The following RSRC1 variants were observed in gnomAD, a reference collection of about 807,000 sequenced individuals.
RSRC1 encodes serine/Arginine-related protein 53.
A neutral mutation model predicts 49.1 loss-of-function variants in RSRC1; 39 were observed. The observed-to-expected ratio is 0.79, with a 90% confidence interval of 0.61 to 1.04. The LOEUF (loss-of-function observed/expected upper bound fraction) is 1.04, where lower values mean the gene tolerates loss of function less well. RSRC1 is among the 50% of genes least tolerant of loss of function. The probability of loss-of-function intolerance (pLI) is 0.00; values close to 1 mark genes in which losing one functional copy is unlikely to be tolerated. For synonymous variants in RSRC1, 143 were observed against 130.8 expected, an observed-to-expected ratio of 1.09 and a Z score of -0.63; for missense variants, 388 against 402.4, an observed-to-expected ratio of 0.96 and a Z score of 0.31.
intron 3 of RSRC1, among the ~76,000 whole-genome samples, chr3:158,179,259 G>A (rs1254463928): frequency 6.6e-6 from 1 of 152,242 alleles, no homozygotes; most frequent in East Asian, 1.9e-4. Context: ...TCTTTGTCCT[G>A]TTTCCCTGAT....
chr3:158,275,806 A>G (rs1165342320), intron 4 of RSRC1: 3 of 482,092 alleles, frequency 6.2e-6, no homozygotes, highest in Non-Finnish European at 1.1e-5. Flanking sequence ...AACTTTACCT[A>G]TATTAGTGAT....
Position 158,168,334 on chromosome 3 carries a change from C to T in RSRC1, c.321-34738C>T, listed in dbSNP as rs549307014. 5.9e-5 allele frequency among the ~76,000 whole-genome samples: 9 copies of T among 152,282 alleles called. No homozygotes were observed. In the South Asian group the frequency reaches 1.9e-3, roughly 32 times the overall value. ...GTCATACCCACTGAGCCTGGATGAA[C>T]CTCCAGTTGATCTAGAGAATTGTGT... On this transcript the variant is annotated intron_variant, in intron 3 of 9. Coordinates refer to ENST00000611884, the MANE Select transcript of RSRC1 (RefSeq NM_001271838.2).
At chr3:158,470,379 T>TATATAA (rs1319277530) in intron 7 of RSRC1, among the ~76,000 whole-genome samples, 8 of 147,708 alleles carry the variant, frequency 5.4e-5, no homozygotes, top group Non-Finnish European at 9.0e-5. Flanking sequence ...TATATATATA[T>TATATAA]AAAACCATCT....
intron 3 of RSRC1, among the ~76,000 whole-genome samples, chr3:158,160,086 A>G (rs1244216651): frequency 2.0e-5 from 3 of 152,188 alleles, no homozygotes; most frequent in Non-Finnish European, 4.4e-5. Context: ...ATTTGTGAGT[A>G]TGAATGAGAA....
At chr3:158,312,996 G>A (rs1168698455) in intron 5 of RSRC1, among the ~76,000 whole-genome samples, 2 of 152,046 alleles carry the variant, frequency 1.3e-5, no homozygotes, top group African/African-American at 4.8e-5. Flanking sequence ...ATCTTGACAT[G>A]TTCTGAGTCA....
chr3:158,213,580 A>G (rs547406822), intron 4 of RSRC1, among the ~76,000 whole-genome samples: 3 of 151,934 alleles, frequency 2.0e-5, no homozygotes, highest in Non-Finnish European at 4.4e-5. Flanking sequence ...GAAATACAAC[A>G]ATGAGTACTG....
intron 7 of RSRC1, among the ~76,000 whole-genome samples, chr3:158,474,941 G>T (rs570359365): frequency 1.9e-4 from 29 of 152,046 alleles, no homozygotes; most frequent in African/African-American, 7.0e-4. Context: ...GTTGAGATAG[G>T]GTCTTGCTTA....
chr3:158,376,158 T>A (rs1024794052), intron 6 of RSRC1, among the ~76,000 whole-genome samples: 1 of 34,746 alleles, frequency 2.9e-5, no homozygotes, highest in African/African-American at 1.1e-4. Flanking sequence ...CCTCCCTCCC[T>A]CCCTCCCTCC....
chr3:158,526,141 C>T (rs1201927532), intron 7 of RSRC1, among the ~76,000 whole-genome samples: 2 of 151,904 alleles, frequency 1.3e-5, no homozygotes, highest in Non-Finnish European at 2.9e-5. Flanking sequence ...TAGCAAAATA[C>T]TCTGCTTTTA....
At chr3:158,256,969 T>A (rs560185135) in intron 4 of RSRC1, among the ~76,000 whole-genome samples, 2 of 152,286 alleles carry the variant, frequency 1.3e-5, no homozygotes, top group Admixed American at 1.3e-4. Flanking sequence ...CTTTTCTTCT[T>A]TAATAGTCTT....
At chr3:158,321,974 TACACACACAC>T (rs71144456) in intron 5 of RSRC1, among the ~76,000 whole-genome samples, 13 of 148,506 alleles carry the variant, frequency 8.8e-5, no homozygotes, top group East Asian at 4.0e-4. Flanking sequence ...TTTTAACACC[TACACACACAC>T]ACACACACAC....
chr3:158,205,398 A>G (rs1416649845), intron 4 of RSRC1, among the ~76,000 whole-genome samples: 1 of 152,162 alleles, frequency 6.6e-6, no homozygotes, highest in Non-Finnish European at 1.5e-5. Context: ...AATATTGATT[A>G]TCAAATATGC....
At chr3:158,151,626 A>G (rs1275491748) in intron 3 of RSRC1, among the ~76,000 whole-genome samples, 2 of 152,156 alleles carry the variant, frequency 1.3e-5, no homozygotes, top group Non-Finnish European at 1.5e-5. Flanking sequence ...ATAAATGCCA[A>G]CTAGGTGGTA....
chr3:158,480,499 G>A (rs572643910), intron 7 of RSRC1, among the ~76,000 whole-genome samples: 3 of 151,958 alleles, frequency 2.0e-5, no homozygotes, highest in Admixed American at 6.6e-5. Flanking sequence ...CTCTGAATGC[G>A]AAATTTGGTT....
chr3:158,118,634 TATCA>T (rs1444923257), intron 1 of RSRC1, among the ~76,000 whole-genome samples: 5 of 152,240 alleles, frequency 3.3e-5, no homozygotes, highest in South Asian at 4.1e-4. Flanking sequence ...TCTGGTTTAC[TATCA>T]TTTGCTTTTT....
chr3:158,340,613 C>T (rs571455226), intron 5 of RSRC1, among the ~76,000 whole-genome samples: 40 of 152,234 alleles, frequency 2.6e-4, no homozygotes, highest in African/African-American at 9.6e-4. Flanking sequence ...TGAGGCCTCC[C>T]CAGCCATGTG....
intron 7 of RSRC1, among the ~76,000 whole-genome samples, chr3:158,532,435 T>G (rs1712455532): frequency 6.6e-6 from 1 of 151,958 alleles, no homozygotes; most frequent in Admixed American, 6.6e-5. Flanking sequence ...TCATCTTTAT[T>G]TACTAGTTTT....
At chr3:158,502,687 A>G (rs925816085) in intron 7 of RSRC1, among the ~76,000 whole-genome samples, 1 of 152,012 alleles carries the variant, frequency 6.6e-6, no homozygotes, top group Non-Finnish European at 1.5e-5. Context: ...TTGCATTTCT[A>G]TAAGTGTGTC....
intron 6 of RSRC1, among the ~76,000 whole-genome samples, chr3:158,364,090 C>G (rs1731627663): frequency 6.6e-5 from 10 of 152,096 alleles, no homozygotes; most frequent in Admixed American, 6.5e-4. Flanking sequence ...AAGTCCTGAC[C>G]CTTTCTCTTC....
Sources: allele counts gnomAD v4.1 joint callset (sites outside exome capture counted in the v4.1 genomes callset), GRCh38; gene constraint gnomAD v4.1.1; transcripts MANE v1.5; gene names NCBI Gene and HGNC (gene_info 2026-07-23, HGNC 2026-07-21).